The following ZNF846 variants were observed in gnomAD, a reference collection of about 807,000 sequenced individuals.
ZNF846 encodes the protein zinc finger protein 846.
A neutral mutation model predicts 16.0 loss-of-function variants in ZNF846; 15 were observed. The observed-to-expected ratio is 0.94, with a 90% CI of 0.63 to 1.45. The LOEUF is 1.45. Among genes scored for constraint, ZNF846 ranks in the 40% most tolerant of loss-of-function variants. ZNF846 has a pLI of 0.00. For missense variants in ZNF846, 714 were observed against 622.3 expected, an observed-to-expected ratio of 1.15 and a Z score of -1.57; for synonymous variants, 229 against 212.0, an observed-to-expected ratio of 1.08 and a Z score of -0.70.
chr19:9,764,718 G>A (rs762698470), intron 2 of ZNF846: 27 of 581,572 alleles, frequency 4.6e-5, no homozygotes, highest in Non-Finnish European at 6.2e-5. Context: ...AGAGAGCCCC[G>A]TTGCACTGTG....
chr19:9,785,945 C>T (rs900920784), exon 1 of ZNF846: 1 of 147,936 alleles, frequency 6.8e-6, no homozygotes, highest in Non-Finnish European at 1.5e-5. Context: ...CACCTGGTCG[C>T]AGAGGCTACT....
intron 5 of ZNF846, 46 bp from the exon 6 acceptor site, chr19:9,758,810 T>A (rs746042695): frequency 2.9e-5 from 41 of 1,431,766 alleles, no homozygotes; most frequent in Non-Finnish European, 3.7e-5. Flanking sequence ...ACATTCAGTA[T>A]GGTAACAGAA....
At chr19:9,765,932 A>G (rs2045308244) in intron 1 of ZNF846, among the ~76,000 whole-genome samples, 1 of 151,942 alleles carries the variant, frequency 6.6e-6, no homozygotes, top group Non-Finnish European at 1.5e-5. Flanking sequence ...ACAAATAAAT[A>G]TACATATATA....
intron 1 of ZNF846, among the ~76,000 whole-genome samples, chr19:9,784,575 G>A (rs1381250074): frequency 2.6e-5 from 4 of 152,104 alleles, no homozygotes; most frequent in African/African-American, 4.8e-5. Context: ...CAACTGCAAA[G>A]AGGCCTTCCT....
rs1351983901 is a variant in ZNF846, at chr19:9,783,541, AAAAATAT to A, written c.-86+2390_-86+2396del. 6.5e-3 allele frequency among the ~76,000 whole-genome samples: 682 copies of A among 104,898 alleles called. 5 individuals carry two copies. The highest frequency in any genetic ancestry group is 0.027 in the African/African-American group (617 of 23,008). 68.8% of individuals were successfully genotyped at this position (104,898 alleles called of 152,430 possible). On this transcript the variant is annotated intron_variant, in intron 1 of 4. Transcript: ENST00000586814. The stretch of plus-strand genomic sequence containing the variant: ...GTCTCATCACTAAAAAAAAAAAAAA[AAAAATAT>A]ATATATATATATATATATTCTTTAA...
At chr19:9,757,967 T>C in exon 6 of ZNF846, 1 of 1,613,652 alleles carries the variant, frequency 6.2e-7, no homozygotes, top group East Asian at 2.2e-5. Flanking sequence ...CTTTCCCACA[T>C]GCCTTACATA....
intron 1 of ZNF846, among the ~76,000 whole-genome samples, chr19:9,784,394 TTA>T (rs1176040806): frequency 6.6e-6 from 1 of 152,172 alleles, no homozygotes. Flanking sequence ...TAGGCCAGAT[TTA>T]TGTTTCACTT....
At chr19:9,762,798 G>A (rs1431144373) in intron 3 of ZNF846, among the ~76,000 whole-genome samples, 3 of 152,188 alleles carry the variant, frequency 2.0e-5, no homozygotes, top group African/African-American at 7.2e-5. Context: ...AAAAAAACTG[G>A]TCTGTGCATA....
At chr19:9,777,070 GTT>G (rs2045451467) in intron 1 of ZNF846, among the ~76,000 whole-genome samples, 2 of 151,552 alleles carry the variant, frequency 1.3e-5, no homozygotes, top group Non-Finnish European at 2.9e-5. Flanking sequence ...AAATCTGCTT[GTT>G]TGGACTATGT....
At chr19:9,776,421 A>T (rs2045443609) in intron 1 of ZNF846, among the ~76,000 whole-genome samples, 1 of 152,210 alleles carries the variant, frequency 6.6e-6, no homozygotes, top group African/African-American at 2.4e-5. Context: ...AAAGTCTCTG[A>T]TATGCAGAAA....
intron 1 of ZNF846, among the ~76,000 whole-genome samples, chr19:9,777,300 C>T (rs756601256): frequency 3.2e-4 from 49 of 151,830 alleles, no homozygotes; most frequent in Non-Finnish European, 5.7e-4. Flanking sequence ...CCACTGCACT[C>T]CAGCCTGGGC....
chr19:9,780,583 G>A (rs527287098), intron 1 of ZNF846, among the ~76,000 whole-genome samples: 3 of 152,092 alleles, frequency 2.0e-5, no homozygotes, highest in South Asian at 4.2e-4. Context: ...CCGAGTAGCT[G>A]GGACTACAGG....
chr19:9,781,957 A>G (rs1355837789), intron 1 of ZNF846, among the ~76,000 whole-genome samples: 1 of 151,644 alleles, frequency 6.6e-6, no homozygotes, highest in Non-Finnish European at 1.5e-5. Flanking sequence ...TTGTATTTTT[A>G]GTAGAGATGG....
upstream of ZNF846, among the ~76,000 whole-genome samples, chr19:9,771,616 T>C (rs186940441): frequency 1.1e-3 from 162 of 152,366 alleles, no homozygotes; most frequent in African/African-American, 3.4e-3. Flanking sequence ...CTCAGAATGC[T>C]ATGACTTTCT....
chr19:9,754,603 C>T (rs531897394), downstream of ZNF846, among the ~76,000 whole-genome samples: 2 of 134,012 alleles, frequency 1.5e-5, no homozygotes, highest in Middle Eastern at 3.8e-3. Context: ...GGGCAACATA[C>T]AGTTGGATTG....
At chr19:9,776,495 A>G (rs2045444562) in intron 1 of ZNF846, among the ~76,000 whole-genome samples, 1 of 152,228 alleles carries the variant, frequency 6.6e-6, no homozygotes, top group Non-Finnish European at 1.5e-5. Context: ...CCAGGCAGGG[A>G]AGGGCCCCCT....
chr19:9,774,530 A>G (rs977135736), intron 1 of ZNF846: 1 of 1,351,286 alleles, frequency 7.4e-7, no homozygotes, highest in Non-Finnish European at 1.1e-6. Flanking sequence ...TAAGAGCTTG[A>G]GGAAATCTGC....
chr19:9,783,229 T>A (rs2045520600), intron 1 of ZNF846, among the ~76,000 whole-genome samples: 1 of 128,988 alleles, frequency 7.8e-6, no homozygotes, highest in Non-Finnish European at 1.7e-5. Flanking sequence ...TTTTTTTTTT[T>A]TTTTTTTTTT....
chr19:9,771,354 T>C (rs561161782), upstream of ZNF846, among the ~76,000 whole-genome samples: 1 of 152,224 alleles, frequency 6.6e-6, no homozygotes, highest in South Asian at 2.1e-4. Context: ...ATTTTTGTAT[T>C]TTTAGTAGAG....
Sources: gnomAD v4.1 joint callset for allele counts (sites outside exome capture counted in the v4.1 genomes callset) on GRCh38, gnomAD v4.1.1 for gene constraint, MANE v1.5 for transcripts, NCBI Gene and HGNC (gene_info 2026-07-23, HGNC 2026-07-21) for gene names.